BCKDHB: variants seen among roughly 807,000 people sequenced by gnomAD.
BCKDHB encodes branched chain keto acid dehydrogenase E1 subunit beta.
Under a neutral mutation model 48.5 loss-of-function variants are expected in BCKDHB, and 41 were observed. The ratio of observed to expected loss-of-function variants is 0.85; its 90% CI spans 0.66 to 1.10. The LOEUF (loss-of-function observed/expected upper bound fraction) is 1.10, where lower values mean the gene tolerates loss of function less well. Among genes scored for constraint, BCKDHB ranks in the 50% least tolerant of loss-of-function variants. The probability of loss-of-function intolerance (pLI) is 0.00; values close to 1 mark genes in which losing one functional copy is unlikely to be tolerated. For missense variants in BCKDHB, 496 were observed against 494.2 expected (o/e 1.00, Z -0.03); for synonymous variants, 201 against 174.8 (o/e 1.15, Z -1.18).
At chr6:80,400,396 AC>A in the BCKDHB span, among the ~76,000 whole-genome samples, 5 of 152,086 alleles carry the variant, frequency 3.3e-5, no homozygotes, top group Non-Finnish European at 7.4e-5. Context: ...CCACCCCATT[AC>A]AAAGTGGGCA....
chr6:80,354,326 C>G, the BCKDHB span, among the ~76,000 whole-genome samples: 3 of 152,138 alleles, frequency 2.0e-5, no homozygotes, highest in Non-Finnish European at 4.4e-5. Context: ...CTCACGGGTT[C>G]AAACAATTCT....
intron 6 of BCKDHB, among the ~76,000 whole-genome samples, chr6:80,185,956 G>T (rs552053930): frequency 6.6e-6 from 1 of 152,200 alleles, no homozygotes; most frequent in Non-Finnish European, 1.5e-5. Flanking sequence ...GGTTAGTCAG[G>T]ATGTTGTAGA....
intron 6 of BCKDHB, among the ~76,000 whole-genome samples, chr6:80,190,562 G>T (rs1387634090): frequency 1.3e-5 from 2 of 152,072 alleles, no homozygotes; most frequent in Non-Finnish European, 2.9e-5. Flanking sequence ...AGGATAAAAG[G>T]TGATACTTTA....
At chr6:80,422,613 C>A in the BCKDHB span, among the ~76,000 whole-genome samples, 1 of 152,188 alleles carries the variant, frequency 6.6e-6, no homozygotes, top group African/African-American at 2.4e-5. Flanking sequence ...TGCCCAAGGC[C>A]TTAGGAGTGC....
At chr6:80,413,631 C>T in the BCKDHB span, among the ~76,000 whole-genome samples, 3 of 152,170 alleles carry the variant, frequency 2.0e-5, no homozygotes, top group Non-Finnish European at 4.4e-5. Flanking sequence ...AACATGATAT[C>T]ATTCTCGTTA....
intron 3 of BCKDHB, among the ~76,000 whole-genome samples, chr6:80,146,522 C>G (rs1005276583): frequency 1.3e-5 from 2 of 152,040 alleles, no homozygotes; most frequent in Admixed American, 6.6e-5. Flanking sequence ...TTGTCAAGGC[C>G]TAAATCCGCA....
At chr6:80,365,849 C>T in the BCKDHB span, among the ~76,000 whole-genome samples, 8 of 152,314 alleles carry the variant, frequency 5.3e-5, no homozygotes, top group East Asian at 1.4e-3. Flanking sequence ...GCTGTGGCTC[C>T]AGCCGGTCCC....
rs1431407722 is a variant in BCKDHB at position 80,203,102 on chromosome 6, G to GT, written c.843dup (p.His282SerfsTer19). 3.1e-6 allele frequency: 5 copies of GT among 1,607,438 alleles called. No homozygotes were observed. The highest frequency in any genetic ancestry group is 1.3e-5 in the African/African-American group (1 of 74,668). On this transcript the variant is annotated frameshift_variant and splice_region_variant, in exon 8 of 10. Coordinates refer to ENST00000320393, the MANE Select transcript of BCKDHB (RefSeq NM_183050.4). LOFTEE classifies it high-confidence loss of function. ...CTGCATATTTTTCTCTTTATTTCAG[G>GT]TTCATGTGATCCGAGAGGTAGCTTC...
the BCKDHB span, among the ~76,000 whole-genome samples, chr6:80,424,513 C>A: frequency 6.6e-6 from 1 of 152,094 alleles, no homozygotes; most frequent in Admixed American, 6.6e-5. Context: ...ATTAATTTGG[C>A]TATTTGCATC....
chr6:80,423,815 G>A, the BCKDHB span, among the ~76,000 whole-genome samples: 1 of 152,136 alleles, frequency 6.6e-6, no homozygotes, highest in South Asian at 2.1e-4. Flanking sequence ...TTTATGTATG[G>A]GTACTGCTTG....
chr6:80,390,743 C>A, the BCKDHB span, among the ~76,000 whole-genome samples: 17 of 151,946 alleles, frequency 1.1e-4, no homozygotes, highest in Non-Finnish European at 2.4e-4. Flanking sequence ...TGTATAGGTT[C>A]AAGTTGAAAA....
Position 80,106,708 on chromosome 6 carries a change from G to T in BCKDHB, c.15G>T (p.Ala5=). ...GGTGAGCGGGGATGGCGGTTGTAGC[G>T]GCGGCTGCCGGCTGGCTACTCAGGC... The part of the protein sequence containing the change: MAVV[A]AAAGWLLRLR... Residue 5 remains alanine (A), a synonymous_variant, in exon 1 of 10, where the codon GCG becomes GCT. Coordinates refer to ENST00000320393, the MANE Select transcript of BCKDHB (RefSeq NM_183050.4). The T allele has an allele frequency of 1.3e-6, 2 of 1,551,184 alleles. No homozygotes were observed. The highest frequency in any genetic ancestry group is 1.2e-5 in the South Asian group (1 of 84,568).
chr6:80,136,469 A>G (rs1278443932), intron 3 of BCKDHB, among the ~76,000 whole-genome samples: 2 of 152,180 alleles, frequency 1.3e-5, no homozygotes, highest in African/African-American at 4.8e-5. Flanking sequence ...AACTCAAAAT[A>G]GATCACAGAC....
chr6:80,335,952 G>C (rs1769571837), intron 9 of BCKDHB, among the ~76,000 whole-genome samples: 1 of 151,874 alleles, frequency 6.6e-6, no homozygotes, highest in Non-Finnish European at 1.5e-5. Context: ...TTTAAGTATG[G>C]TCTCTGGACA....
chr6:80,291,371 A>G (rs1266429014), intron 9 of BCKDHB, among the ~76,000 whole-genome samples: 1 of 152,236 alleles, frequency 6.6e-6, no homozygotes, highest in Non-Finnish European at 1.5e-5. Context: ...GTCAAGGGCC[A>G]TTTATAATTC....
chr6:80,127,933 T>C (rs2127726533), intron 2 of BCKDHB, among the ~76,000 whole-genome samples: 1 of 152,276 alleles, frequency 6.6e-6, no homozygotes, highest in Admixed American at 6.5e-5. Context: ...CAAAATACCT[T>C]TTCATTCAGC....
In BCKDHB at chr6:80,258,848, C is replaced by A. The variant is rs1363368153; in HGVS notation, c.952-14287C>A. On this transcript the variant is annotated intron_variant, in intron 8 of 9. Transcript: ENST00000320393. ...ACATAAATTATAGTTTTCACCTTTA[C>A]ACTATAACTCTTGGGGTTATAATTT... Among the ~76,000 whole-genome samples the A allele has an allele frequency of 1.3e-5, 2 of 152,110 alleles. 1 individual carries two copies.
intron 1 of BCKDHB, among the ~76,000 whole-genome samples, chr6:80,114,796 A>C (rs1022061689): frequency 1.3e-5 from 2 of 152,236 alleles, no homozygotes; most frequent in Admixed American, 1.3e-4. Flanking sequence ...TATAAAAGTC[A>C]GGAGTTCAGA....
At chr6:80,216,582 G>GTT (rs1775182103) in intron 8 of BCKDHB, among the ~76,000 whole-genome samples, 1 of 152,070 alleles carries the variant, frequency 6.6e-6, no homozygotes, top group African/African-American at 2.4e-5. Flanking sequence ...TTTGACTCAA[G>GTT]TTTTCATTTT....
Sources: allele counts gnomAD v4.1 joint callset (sites outside exome capture counted in the v4.1 genomes callset), GRCh38; gene constraint gnomAD v4.1.1; transcripts MANE v1.5; gene names NCBI Gene and HGNC (gene_info 2026-07-23, HGNC 2026-07-21).